The following TNFAIP8 variants were observed in gnomAD, a reference collection of about 807,000 sequenced individuals.
TNFAIP8 encodes the protein tumor necrosis factor alpha-induced protein 8.
Under a neutral mutation model 13.3 loss-of-function variants are expected in TNFAIP8, and 7 were observed. The observed-to-expected ratio is 0.52, with a 90% CI of 0.30 to 0.99. TNFAIP8 has a LOEUF of 0.99. Ranked by LOEUF, TNFAIP8 falls within the 50% of genes least tolerant of loss-of-function variation. The pLI is 0.07. For missense variants in TNFAIP8, 258 were observed against 236.9 expected (o/e 1.09, Z -0.58); for synonymous variants, 94 against 87.6 (o/e 1.07, Z -0.41).
intron 1 of TNFAIP8, among the ~76,000 whole-genome samples, chr5:119,301,269 A>G (rs1749382451): frequency 6.6e-6 from 1 of 151,968 alleles, no homozygotes; most frequent in African/African-American, 2.4e-5. Context: ...ATTGTTCCCC[A>G]TTGGGCACTC....
chr5:119,303,088 AACCACAC>A (rs1749445201), intron 1 of TNFAIP8, among the ~76,000 whole-genome samples: 1 of 152,036 alleles, frequency 6.6e-6, no homozygotes, highest in Non-Finnish European at 1.5e-5. Flanking sequence ...GCCCTGAAAA[AACCACAC>A]ACTAGGAAAT....
intron 1 of TNFAIP8, among the ~76,000 whole-genome samples, chr5:119,372,917 C>T (rs1489571086): frequency 2.0e-5 from 3 of 151,942 alleles, no homozygotes; most frequent in South Asian, 2.1e-4. Flanking sequence ...GCCAAGATGG[C>T]GCCACTTCAC....
intron 1 of TNFAIP8, 96 bp from the exon 2 acceptor site, chr5:119,392,720 A>C: frequency 7.5e-7 from 1 of 1,332,816 alleles, no homozygotes; most frequent in South Asian, 1.6e-5. Context: ...TGGGAAAATG[A>C]GGAAAAAAAG....
intron 1 of TNFAIP8, among the ~76,000 whole-genome samples, chr5:119,299,029 T>TGAAAAAAACTTTGGTTTTTTC (rs1405353062): frequency 2.6e-5 from 4 of 152,216 alleles, no homozygotes; most frequent in Non-Finnish European, 5.9e-5. Flanking sequence ...TCAAAGTTTT[T>TGAAAAAAACTTTGGTTTTTTC]AACTTCTTTG....
At chr5:119,329,005 T>C (rs1233257183) in intron 1 of TNFAIP8, among the ~76,000 whole-genome samples, 1 of 152,246 alleles carries the variant, frequency 6.6e-6, no homozygotes, top group Non-Finnish European at 1.5e-5. Context: ...TCATTGGTGC[T>C]GCAAGTGTGA....
At position 119,392,963 on chromosome 5, in the gene TNFAIP8, A is replaced by G. The variant is rs777554844; in HGVS notation, c.179A>G (p.Glu60Gly). 1.2e-6 allele frequency: 2 copies of G among 1,611,856 alleles called. No homozygotes were observed. The highest frequency in any genetic ancestry group is 1.7e-6 in the Non-Finnish European group (2 of 1,178,896). The part of the protein sequence containing the change: ...VLDELYRVTR[E>G]YTQNKKEAEK... ...GATGAGCTCTACAGAGTGACCAGGG[A>G]GTACACCCAAAACAAGAAGGAGGCA... Residue 60 changes from glutamate to glycine, a missense_variant, in exon 2 of 2, where the codon GAG becomes GGG. Physicochemically the swap from Glu to Gly is moderately conservative, Grantham distance 98. Coordinates refer to ENST00000504771, the MANE Select transcript of TNFAIP8 (RefSeq NM_014350.4).
At chr5:119,297,702 T>G (rs1185493298) in intron 1 of TNFAIP8, among the ~76,000 whole-genome samples, 41 of 152,160 alleles carry the variant, frequency 2.7e-4, no homozygotes, top group Middle Eastern at 3.4e-3. Flanking sequence ...TGTTGACAGT[T>G]GGGTGTTAAA....
chr5:119,322,079 T>C (rs1306999603), intron 1 of TNFAIP8, among the ~76,000 whole-genome samples: 1 of 152,080 alleles, frequency 6.6e-6, no homozygotes, highest in Non-Finnish European at 1.5e-5. Flanking sequence ...CTTGGCTCTC[T>C]CTCTAATTTT....
chr5:119,294,205 A>C (rs867904479), intron 1 of TNFAIP8, among the ~76,000 whole-genome samples: 1,267 of 99,478 alleles, frequency 0.013, 19 homozygotes, highest in African/African-American at 0.045. Flanking sequence ...CCTCCCCCCA[A>C]CCCACAACAG....
At chr5:119,373,752 T>C (rs1752175397) in intron 1 of TNFAIP8, among the ~76,000 whole-genome samples, 1 of 152,166 alleles carries the variant, frequency 6.6e-6, no homozygotes, top group Admixed American at 6.5e-5. Context: ...CCAGGTATAG[T>C]ATTAAATCAT....
intron 1 of TNFAIP8, among the ~76,000 whole-genome samples, chr5:119,282,868 A>AATGGGACCCTTGGCCAAG (rs1036440697): frequency 1.3e-5 from 2 of 152,148 alleles, no homozygotes; most frequent in African/African-American, 2.4e-5. Flanking sequence ...GGCACTACAA[A>AATGGGACCCTTGGCCAAG]ATGGGACCCT....
At chr5:119,307,335 G>A (rs1211775562) in intron 1 of TNFAIP8, among the ~76,000 whole-genome samples, 1 of 152,088 alleles carries the variant, frequency 6.6e-6, no homozygotes, top group Non-Finnish European at 1.5e-5. Context: ...ACGTTTATAT[G>A]TCATTACATA....
At chr5:119,287,737 A>G (rs537179807) in intron 1 of TNFAIP8, among the ~76,000 whole-genome samples, 2 of 152,316 alleles carry the variant, frequency 1.3e-5, no homozygotes, top group Admixed American at 6.5e-5. Context: ...CTTCATTTTT[A>G]GGATTTGCCT....
At chr5:119,311,379 A>G (rs1321811813) in intron 1 of TNFAIP8, among the ~76,000 whole-genome samples, 1 of 151,974 alleles carries the variant, frequency 6.6e-6, no homozygotes, top group Non-Finnish European at 1.5e-5. Flanking sequence ...AATTTTGAAC[A>G]GTCAAATAAA....
chr5:119,290,455 C>T (rs1748945038), intron 1 of TNFAIP8, among the ~76,000 whole-genome samples: 1 of 152,150 alleles, frequency 6.6e-6, no homozygotes. Flanking sequence ...TAAACCTCTT[C>T]ACAGGTTTAT....
chr5:119,372,921 A>C (rs1580434020), intron 1 of TNFAIP8, among the ~76,000 whole-genome samples: 1 of 152,336 alleles, frequency 6.6e-6, no homozygotes. Context: ...AGATGGCGCC[A>C]CTTCACTCCA....
chr5:119,318,471 A>AT (rs1322999870), intron 1 of TNFAIP8, among the ~76,000 whole-genome samples: 1 of 151,270 alleles, frequency 6.6e-6, no homozygotes, highest in Non-Finnish European at 1.5e-5. Flanking sequence ...TTTATTTTTT[A>AT]TTTTTGTAGA....
intron 1 of TNFAIP8, among the ~76,000 whole-genome samples, chr5:119,313,627 T>C (rs1386991404): frequency 6.6e-6 from 1 of 152,258 alleles, no homozygotes; most frequent in African/African-American, 2.4e-5. Context: ...ATGATGTTTA[T>C]TAATAGAATT....
chr5:119,320,720 C>T (rs955812124), intron 1 of TNFAIP8, among the ~76,000 whole-genome samples: 13 of 151,562 alleles, frequency 8.6e-5, no homozygotes, highest in Non-Finnish European at 1.9e-4. Flanking sequence ...CCCTCACTTC[C>T]CTTTGAAGCA....
Sources: allele counts gnomAD v4.1 joint callset (sites outside exome capture counted in the v4.1 genomes callset), GRCh38; gene constraint gnomAD v4.1.1; transcripts MANE v1.5; gene names NCBI Gene and HGNC (gene_info 2026-07-23, HGNC 2026-07-21).